OSBP2: variants seen among roughly 807,000 people sequenced by gnomAD.
OSBP2 encodes the protein oxysterol-binding protein 2.
A neutral mutation model predicts 96.0 loss-of-function variants in OSBP2; 66 were observed. That is an observed-to-expected ratio of 0.69 (90% CI 0.56 to 0.84). The LOEUF (loss-of-function observed/expected upper bound fraction) is 0.84, where lower values mean the gene tolerates loss of function less well. Ranked by LOEUF, OSBP2 falls within the 40% of genes least tolerant of loss-of-function variation. The pLI, the probability that OSBP2 is intolerant of heterozygous loss-of-function variation, is 0.00. For synonymous variants in OSBP2, 525 were observed against 520.9 expected, an observed-to-expected ratio of 1.01 and a Z score of -0.11; for missense variants, 1,038 against 1,222.7, an observed-to-expected ratio of 0.85 and a Z score of 2.25.
At chr22:30,836,304 A>G (rs560468122) in intron 2 of OSBP2, among the ~76,000 whole-genome samples, 1 of 152,326 alleles carries the variant, frequency 6.6e-6, no homozygotes, top group African/African-American at 2.4e-5. Flanking sequence ...ATGGGAAAAC[A>G]GGCTAGAGAG....
Position 30,890,914 on chromosome 22 carries a change from G to T in OSBP2, c.1810G>T (p.Gly604Trp), listed in dbSNP as rs745826009. The change falls in exon 8 of 14, where the codon GGG becomes TGG. Residue 604 changes from glycine to tryptophan, a missense_variant. Gly to Trp is a radical substitution (Grantham distance 184, BLOSUM62 -2). Coordinates refer to ENST00000332585, the MANE Select transcript of OSBP2 (RefSeq NM_030758.4). This position sits in a 1 kb window ranked among gnomAD's most constrained non-coding sequence, Gnocchi z 4.4. ...RIAKPFNPML[G>W]ETFELDRLDD... is the part of the protein sequence containing the mutation. ...CGCCAAGCCCTTCAACCCCATGCTG[G>T]GGGAGACCTTCGAGCTGGACCGCCT... The T allele has an allele frequency of 3.1e-6, 5 of 1,613,058 alleles. No homozygotes were observed. Among genetic ancestry groups the T allele is most frequent in the Non-Finnish European group, 4.2e-6 (5 of 1,180,028 alleles).
In OSBP2 at chr22:30,715,745, C is replaced by T. The variant is rs146961277; in HGVS notation, c.644+20192C>T. On this transcript the variant is annotated intron_variant, in intron 1 of 13. Coordinates refer to ENST00000332585, the MANE Select transcript of OSBP2 (RefSeq NM_030758.4). ...TAATTTTTTGTGTTTTTAGTAGAGA[C>T]GGGGTTTCAACATGTTGGCCAGGCT... is the stretch of plus-strand genomic sequence containing the variant. Among the ~76,000 whole-genome samples the T allele has an allele frequency of 2.3e-3, 353 of 151,536 alleles. 6 individuals are homozygous for T. The East Asian group carries it at 0.037, about 16-fold the overall frequency.
chr22:30,826,708 G>A (rs1324863456), intron 2 of OSBP2, among the ~76,000 whole-genome samples: 4 of 152,136 alleles, frequency 2.6e-5, no homozygotes, highest in African/African-American at 9.7e-5. Context: ...GTTTGGAACC[G>A]GCCCACCGCC....
chr22:30,721,988 C>T (rs937545673), intron 1 of OSBP2, among the ~76,000 whole-genome samples: 3 of 152,206 alleles, frequency 2.0e-5, no homozygotes, highest in East Asian at 1.9e-4. Context: ...CTGCAGCTAC[C>T]GAGATTGTGT....
chr22:30,837,699 GT>G (rs1225990377), intron 2 of OSBP2, among the ~76,000 whole-genome samples: 1 of 152,178 alleles, frequency 6.6e-6, no homozygotes, highest in Non-Finnish European at 1.5e-5. Context: ...TTGTGATGTG[GT>G]TCTAGGCAGG....
In OSBP2 at chr22:30,890,928, G is replaced by C. The variant is rs1459998985; in HGVS notation, c.1824G>C (p.Glu608Asp). The stretch of plus-strand genomic sequence containing the variant: ...ACCCCATGCTGGGGGAGACCTTCGA[G>C]CTGGACCGCCTCGACGACATGGGCC... ...PFNPMLGETF[E>D]LDRLDDMGLR... is the part of the protein sequence containing the mutation. The change falls in exon 8 of 14, where the codon GAG becomes GAC. Residue 608 changes from glutamate to aspartate, a missense_variant. Glu to Asp is a conservative substitution (Grantham distance 45). This residue lies in a region of OSBP2 where 737 missense variants were observed against 913.3 expected (regional missense o/e 0.81). Coordinates refer to ENST00000332585, the MANE Select transcript of OSBP2 (RefSeq NM_030758.4). This position sits in a 1 kb window ranked among gnomAD's most constrained non-coding sequence, Gnocchi z 4.4. 3 of 1,612,182 alleles carry C rather than the reference G, an allele frequency of 1.9e-6. No individual in the cohort carries two copies. The highest frequency in any genetic ancestry group is 2.5e-6 in the Non-Finnish European group (3 of 1,180,020).
intron 2 of OSBP2, among the ~76,000 whole-genome samples, chr22:30,868,025 G>A (rs1334380076): frequency 1.3e-5 from 2 of 152,252 alleles, no homozygotes; most frequent in African/African-American, 4.8e-5. Context: ...CAGAGACCTG[G>A]CTACTCAGGA....
At chr22:30,808,197 A>G (rs1379727605) in intron 2 of OSBP2, among the ~76,000 whole-genome samples, 1 of 152,116 alleles carries the variant, frequency 6.6e-6, no homozygotes, top group Non-Finnish European at 1.5e-5. Flanking sequence ...GACACAGGGA[A>G]GTCCCCCCAA....
At chr22:30,813,390 T>G (rs2091037665) in intron 2 of OSBP2, among the ~76,000 whole-genome samples, 1 of 151,912 alleles carries the variant, frequency 6.6e-6, no homozygotes, top group African/African-American at 2.4e-5. Context: ...GCCAGGCTGG[T>G]CTCGAACTCC....
At chr22:30,773,103 A>ATT (rs695837) in intron 2 of OSBP2, 14,614 of 123,216 alleles carry the variant, frequency 0.12, 1,340 homozygotes, top group African/African-American at 0.25. Flanking sequence ...GTTAAACACG[A>ATT]TTTTTTTTTT....
rs2091059700 is a variant in OSBP2 at position 30,814,740 on chromosome 22, C to T, written c.854-55689C>T. 2.6e-5 allele frequency among the ~76,000 whole-genome samples: 4 copies of T among 152,114 alleles called. No individual in the cohort carries two copies. In the South Asian group the frequency reaches 8.3e-4, roughly 32 times the overall value. Reference sequence around the variant, plus strand: ...TTATCTTAATTACCTCTTTAAAGGGCTTATCTCCATAGAGAGTCACATTCT... The same window carrying T: ...TTATCTTAATTACCTCTTTAAAGGGTTTATCTCCATAGAGAGTCACATTCT... On this transcript the variant is annotated intron_variant, in intron 2 of 13. Transcript: ENST00000332585.
At chr22:30,787,061 G>C (rs965788353) in intron 2 of OSBP2, among the ~76,000 whole-genome samples, 4 of 152,148 alleles carry the variant, frequency 2.6e-5, no homozygotes, top group Non-Finnish European at 5.9e-5. Flanking sequence ...GCCTCCCAAA[G>C]TGCTGGGATT....
chr22:30,873,993 C>G (rs1263857815), intron 3 of OSBP2, among the ~76,000 whole-genome samples: 1 of 152,176 alleles, frequency 6.6e-6, no homozygotes, highest in African/African-American at 2.4e-5. Context: ...TCCCAACACT[C>G]TGGGAGGCTG....
chr22:30,865,631 CAAAAAA>C (rs398040482), intron 2 of OSBP2, among the ~76,000 whole-genome samples: 37 of 59,886 alleles, frequency 6.2e-4, no homozygotes, highest in South Asian at 2.5e-3. Flanking sequence ...GACTCCATCT[CAAAAAA>C]AAAAAAAAAA....
At chr22:30,887,947 A>G (rs1437755121) in intron 4 of OSBP2, among the ~76,000 whole-genome samples, 1 of 152,162 alleles carries the variant, frequency 6.6e-6, no homozygotes, top group Non-Finnish European at 1.5e-5. Flanking sequence ...GTCCATCAGA[A>G]AGGGAAGCTG....
At chr22:30,788,703 G>C (rs2090631115) in intron 2 of OSBP2, among the ~76,000 whole-genome samples, 1 of 152,036 alleles carries the variant, frequency 6.6e-6, no homozygotes, top group Admixed American at 6.6e-5. Flanking sequence ...CTTGGAGGGT[G>C]AACAATTTTA....
chr22:30,814,398 C>T (rs1255436123), intron 2 of OSBP2, among the ~76,000 whole-genome samples: 4 of 148,366 alleles, frequency 2.7e-5, no homozygotes, highest in African/African-American at 7.5e-5. Context: ...AGACACCAGT[C>T]GTATGGATTA....
chr22:30,805,900 A>G (rs982574538), intron 2 of OSBP2, among the ~76,000 whole-genome samples: 1 of 152,208 alleles, frequency 6.6e-6, no homozygotes, highest in Non-Finnish European at 1.5e-5. Context: ...ACCCCTTCCA[A>G]GAAAGGTTTT....
chr22:30,775,612 C>G (rs1212264028), intron 2 of OSBP2, among the ~76,000 whole-genome samples: 1 of 152,094 alleles, frequency 6.6e-6, no homozygotes, highest in Admixed American at 6.6e-5. Context: ...GAGTGAGACT[C>G]TGTCTCAAAA....
Sources: gnomAD v4.1 joint callset for allele counts (sites outside exome capture counted in the v4.1 genomes callset) on GRCh38, gnomAD v4.1.1 for gene constraint, gnomAD v4.1.1 regional missense constraint, Gnocchi (gnomAD v3.1) non-coding constraint, MANE v1.5 for transcripts, NCBI Gene and HGNC (gene_info 2026-07-23, HGNC 2026-07-21) for gene names.